Variants in KREMEN2 observed in about 807,000 individuals in gnomAD.
The protein encoded by KREMEN2 is kringle containing transmembrane protein 2.
In KREMEN2, 43 loss-of-function variants were observed where a neutral mutation model predicts 49.8. The observed-to-expected ratio is 0.86, with a 90% CI of 0.68 to 1.11. KREMEN2 has a LOEUF of 1.11. KREMEN2 is among the 50% of genes most tolerant of loss of function. The pLI is 0.00. For missense variants in KREMEN2, 686 were observed against 665.7 expected (o/e 1.03, Z -0.34); for synonymous variants, 355 against 304.9 (o/e 1.16, Z -1.71).
Position 2,966,878 on chromosome 16 carries a change from C to T in KREMEN2, c.641-32C>T. On this transcript the variant is annotated intron_variant, in intron 5 of 8. Transcript: ENST00000303746. The surrounding 1 kb of genome is among the most constrained non-coding windows in gnomAD (Gnocchi z 8.4). ...GCAGGGGAGCCGCCGTGTCCTGGTC[C>T]TCAGGATGCTGACTGCCGGCCCCGC... 2.6e-6 allele frequency: 4 copies of T among 1,557,498 alleles called. No individual in the cohort carries two copies. Among genetic ancestry groups the T allele is most frequent in the African/African-American group, 1.3e-5 (1 of 74,144 alleles).
In KREMEN2 at chr16:2,964,313, G is replaced by T. The variant is rs1241746361; in HGVS notation, c.-208G>T. ...AGAGACCCGGGTAGGGACAGGGACAGAGAGACGCCTCTAGGGGCAGAGGCC... is the reference window on the plus strand; with the variant it reads ...AGAGACCCGGGTAGGGACAGGGACATAGAGACGCCTCTAGGGGCAGAGGCC... On this transcript the variant is annotated 5_prime_UTR_variant, in exon 1 of 9. Transcript: ENST00000303746. The T allele has an allele frequency of 2.2e-6, 1 of 461,606 alleles. No individual in the cohort carries two copies. The highest frequency in any genetic ancestry group is 3.5e-5 in the East Asian group (1 of 28,208). 28.6% of individuals were successfully genotyped at this position (461,606 alleles called of 1,614,324 possible).
At chr16:2,964,747 G>A in intron 1 of KREMEN2, 112 bp from the exon 2 acceptor site, 1 of 1,423,546 alleles carries the variant, frequency 7.0e-7, no homozygotes. Flanking sequence ...GAGGGCTCCT[G>A]CAGGGGCGGG....
Position 2,967,307 on chromosome 16 carries a change from C to T in KREMEN2, c.974-13C>T, listed in dbSNP as rs1354102084. 5.8e-6 allele frequency: 8 copies of T among 1,375,162 alleles called. No individual in the cohort carries two copies. The highest frequency in any genetic ancestry group is 7.4e-6 in the Non-Finnish European group (8 of 1,075,134). 85.2% of individuals were successfully genotyped at this position (1,375,162 alleles called of 1,614,324 possible). On this transcript the variant is annotated splice_polypyrimidine_tract_variant and intron_variant, in intron 6 of 8. Coordinates refer to ENST00000303746, the MANE Select transcript of KREMEN2 (RefSeq NM_172229.3). ...CCCGCTCTCCCCACCCCGCCTCACG[C>T]CCCTCTCCGCAGGGCTGCAGGACGC... is the stretch of plus-strand genomic sequence containing the variant.
In KREMEN2 at chr16:2,966,875, G is replaced by C. The variant is rs776210382; in HGVS notation, c.641-35G>C. 14 of 1,557,564 alleles carry C rather than the reference G, an allele frequency of 9.0e-6. No individual in the cohort carries two copies. The African/African-American group carries it at 1.8e-4, about 20-fold the overall frequency. On this transcript the variant is annotated intron_variant, in intron 5 of 8. Coordinates refer to ENST00000303746, the MANE Select transcript of KREMEN2 (RefSeq NM_172229.3). The surrounding 1 kb of genome is among the most constrained non-coding windows in gnomAD (Gnocchi z 8.4). ...CGGGCAGGGGAGCCGCCGTGTCCTGGTCCTCAGGATGCTGACTGCCGGCCC... is the reference window on the plus strand; with the variant it reads ...CGGGCAGGGGAGCCGCCGTGTCCTGCTCCTCAGGATGCTGACTGCCGGCCC...
At position 2,964,466 on chromosome 16, in the gene KREMEN2, C is replaced by T; in HGVS notation, c.-55C>T. 1 of 1,367,822 alleles carries T rather than the reference C, an allele frequency of 7.3e-7. No individual in the cohort carries two copies. The highest frequency in any genetic ancestry group is 9.9e-7 in the Non-Finnish European group (1 of 1,007,548). 84.7% of individuals were successfully genotyped at this position (1,367,822 alleles called of 1,614,324 possible). On this transcript the variant is annotated 5_prime_UTR_variant, in exon 1 of 9. Transcript: ENST00000303746. ...CTCCTGGGAGACCCCGAAGCGACCC[C>T]GGGGGCAGCCCGGGCCGTGTCCGGG...
chr16:2,967,202 C>G lies in KREMEN2; in HGVS notation c.933C>G (p.Asp311Glu). Residue 311 changes from aspartate (D) to glutamate (E), a missense_variant, in exon 6 of 9, where the codon GAC (aspartate) becomes GAG (glutamate). Coordinates refer to ENST00000303746, the MANE Select transcript of KREMEN2 (RefSeq NM_172229.3). ...CGCTGCTGCTCACCTTCCGAAGCGA[C>G]GCGCGCGGCCACGCGCAAGGCTTCG... is the stretch of plus-strand genomic sequence containing the variant. ...TAALLLTFRSDARGHAQGFAL... is the reference protein window; with the variant it reads ...TAALLLTFRSEARGHAQGFAL... 1 of 1,356,924 alleles carries G rather than the reference C, an allele frequency of 7.4e-7. No homozygotes were observed. Among genetic ancestry groups the G allele is most frequent in the Non-Finnish European group, 9.4e-7 (1 of 1,063,924 alleles). 84.1% of individuals were successfully genotyped at this position (1,356,924 alleles called of 1,614,324 possible).
At chr16:2,965,481 G>A (rs2071800555) in intron 2 of KREMEN2, among the ~76,000 whole-genome samples, 1 of 152,176 alleles carries the variant, frequency 6.6e-6, no homozygotes, top group Non-Finnish European at 1.5e-5. Flanking sequence ...CTTTTAAGTG[G>A]GGTTGGAGGC....
intron 7 of KREMEN2, 40 bp from the exon 8 acceptor site, chr16:2,967,486 C>A: frequency 6.7e-7 from 1 of 1,491,460 alleles, no homozygotes; most frequent in South Asian, 1.3e-5. Flanking sequence ...CAGGGAGCCG[C>A]CCCCTCGCGC....
In KREMEN2 at chr16:2,967,235, C is replaced by T; in HGVS notation, c.966C>T (p.Thr322=). ...GCCACGCGCAAGGCTTCGCGCTCAC[C>T]TACCGCGGTGAGCCTCAGCTCGGCG... ...ARGHAQGFAL[T]YRGLQDAAED... is the part of the protein sequence containing the mutation. The change falls in exon 6 of 9, where the codon ACC becomes ACT. Residue 322 remains threonine, a synonymous_variant. Transcript: ENST00000303746. 7.4e-7 allele frequency: 1 copy of T among 1,353,826 alleles called. No homozygotes were observed. Among genetic ancestry groups the T allele is most frequent in the Non-Finnish European group, 9.4e-7 (1 of 1,061,696 alleles). The allele number at this position is 1,353,826 out of a possible 1,614,324, so 83.9% of individuals were successfully genotyped here.
In KREMEN2 at chr16:2,966,005, G is replaced by A. The variant is rs2071809193; in HGVS notation, c.270-135G>A. ...CTGCGTAGACAAAACTGGAATTTGT[G>A]GGTGTACAGCAGGCAGCACAGCCGC... On this transcript the variant is annotated intron_variant, in intron 2 of 8. Coordinates refer to ENST00000303746, the MANE Select transcript of KREMEN2 (RefSeq NM_172229.3). The surrounding 1 kb of genome is among the most constrained non-coding windows in gnomAD (Gnocchi z 8.4). The A allele has an allele frequency of 1.4e-6, 1 of 704,604 alleles. No homozygotes were observed. The highest frequency in any genetic ancestry group is 2.4e-6 in the Non-Finnish European group (1 of 411,664). 43.6% of individuals were successfully genotyped at this position (704,604 alleles called of 1,614,324 possible). A position where few individuals can be genotyped will look rare whatever the true frequency, so the allele number is the denominator to read the frequency against.
At position 2,968,289 on chromosome 16, in the gene KREMEN2, GT is replaced by G; in HGVS notation, c.*270del. On this transcript the variant is annotated 3_prime_UTR_variant, in exon 9 of 9. Transcript: ENST00000303746. ...AGGTCTTTGAACCCCTCTGGGGGTGGTCCTGGACTGCCGTCCTCAGTGAGAG... is the reference window on the plus strand; with the variant it reads ...AGGTCTTTGAACCCCTCTGGGGGTGGCCTGGACTGCCGTCCTCAGTGAGAG... 1 of 1,393,772 alleles carries G rather than the reference GT, an allele frequency of 7.2e-7. No homozygotes were observed. The highest frequency in any genetic ancestry group is 9.8e-7 in the Non-Finnish European group (1 of 1,018,784). 86.3% of individuals were successfully genotyped at this position (1,393,772 alleles called of 1,614,324 possible). A position where few individuals can be genotyped will look rare whatever the true frequency, so the allele number is the denominator to read the frequency against.
At chr16:2,967,711 G>T (rs1304328291) in intron 8 of KREMEN2, 99 bp from the exon 9 acceptor site, 5 of 1,548,226 alleles carry the variant, frequency 3.2e-6, no homozygotes, top group Non-Finnish European at 4.4e-6. Context: ...AGGGAGCGAG[G>T]CTTTGGGTCC....
In KREMEN2 at chr16:2,964,554, C is replaced by A. The variant is rs372577395; in HGVS notation, c.34C>A (p.Leu12Ile). ...GTQALQGFLFLLFLPLLQPRG... is the reference protein window; with the variant it reads ...GTQALQGFLFILFLPLLQPRG... ...ACAAGCCCTGCAGGGCTTCCTCTTT[C>A]TCCTCTTCCTCCCGCTGCTGCAGCC... is the stretch of plus-strand genomic sequence containing the variant. Residue 12 changes from leucine (L) to isoleucine (I), a missense_variant, in exon 1 of 9, where the codon CTC (leucine) becomes ATC (isoleucine). Transcript: ENST00000303746. 1.2e-6 allele frequency: 2 copies of A among 1,607,630 alleles called. No individual in the cohort carries two copies. The highest frequency in any genetic ancestry group is 2.7e-5 in the African/African-American group (2 of 74,332).
At position 2,967,368 on chromosome 16, in the gene KREMEN2, A is replaced by AGACCC. The variant is rs1236356688; in HGVS notation, c.1023_1027dup (p.Pro343ArgfsTer12). ...CCAGAGGCCCCCGAGGGCTCGGCCC[A>AGACCC]GACCCCCGCGGCGCCCCTCGACGGG... On this transcript the variant is annotated frameshift_variant, in exon 7 of 9. Transcript: ENST00000303746. LOFTEE classifies it high-confidence loss of function. 1 of 1,402,006 alleles carries AGACCC rather than the reference A, an allele frequency of 7.1e-7. No individual in the cohort carries two copies. Among genetic ancestry groups the AGACCC allele is most frequent in the Non-Finnish European group, 9.2e-7 (1 of 1,089,646 alleles). 86.8% of individuals were successfully genotyped at this position (1,402,006 alleles called of 1,614,324 possible).
Position 2,964,867 on chromosome 16 carries a change from G to A in KREMEN2, c.103G>A (p.Glu35Lys), listed in dbSNP as rs939559029. The A allele has an allele frequency of 8.7e-6, 14 of 1,610,872 alleles. No homozygotes were observed. In the Admixed American group the frequency reaches 1.8e-4, roughly 21 times the overall value. The change falls in exon 2 of 9, where the codon GAA becomes AAA. Residue 35 changes from glutamate (E) to lysine (K), a missense_variant. Transcript: ENST00000303746. ...AGSLHSPGLS[E>K]CFQVNGADYR... ...CTGCCTTTGCCGTGCAGGCCTGTCC[G>A]AATGCTTCCAGGTGAATGGGGCTGA...
Position 2,967,904 on chromosome 16 carries a change from G to A in KREMEN2, c.1273G>A (p.Gly425Arg), listed in dbSNP as rs1186405032. The stretch of plus-strand genomic sequence containing the variant: ...GGCTGTGTGGTACCAACAGCCCCGA[G>A]GGGTGGCCTTGCCCTGCTCCCCCGG... ...SWAVWYQQPRGVALPCSPGDP... is the reference protein window; with the variant it reads ...SWAVWYQQPRRVALPCSPGDP... Residue 425 changes from glycine to arginine, a missense_variant, in exon 9 of 9, where the codon GGG becomes AGG. Physicochemically the swap from Gly to Arg is moderately radical, Grantham distance 125. Coordinates refer to ENST00000303746, the MANE Select transcript of KREMEN2 (RefSeq NM_172229.3). 3 of 1,564,586 alleles carry A rather than the reference G, an allele frequency of 1.9e-6. No homozygotes were observed. The highest frequency in any genetic ancestry group is 1.9e-5 in the Admixed American group (1 of 52,828).
rs1394004730 is a variant in KREMEN2, at chr16:2,964,285, C to T, written c.-236C>T. 1.5e-5 allele frequency: 6 copies of T among 397,770 alleles called. No individual in the cohort carries two copies. The highest frequency in any genetic ancestry group is 2.7e-5 in the Non-Finnish European group (6 of 223,768). The allele number at this position is 397,770 out of a possible 1,614,324, so 24.6% of individuals were successfully genotyped here. A position where few individuals can be genotyped will look rare whatever the true frequency, so the allele number is the denominator to read the frequency against. ...AGAACGCCCCCGGCCAGATTCCCCC[C>T]GGAGAGACCCGGGTAGGGACAGGGA... On this transcript the variant is annotated 5_prime_UTR_variant, in exon 1 of 9. Coordinates refer to ENST00000303746, the MANE Select transcript of KREMEN2 (RefSeq NM_172229.3).
chr16:2,967,021 C>A lies in KREMEN2; in HGVS notation c.752C>A (p.Pro251Gln). The change falls in exon 6 of 9, where the codon CCG becomes CAG. Residue 251 changes from proline (P) to glutamine (Q), a missense_variant. Pro to Gln is a moderately conservative substitution (Grantham distance 76, BLOSUM62 -1). Transcript: ENST00000303746. The stretch of plus-strand genomic sequence containing the variant: ...CGGAACTGCAGCTGGGCCCTGGGCC[C>A]GCCAGGCGCCGCGCTGGAGCTCACC... ...PDRNCSWALG[P>Q]PGAALELTFR... The A allele has an allele frequency of 1.3e-6, 2 of 1,545,250 alleles. No homozygotes were observed. Among genetic ancestry groups the A allele is most frequent in the Non-Finnish European group, 1.7e-6 (2 of 1,145,772 alleles).
chr16:2,966,230 C>T lies in KREMEN2; in HGVS notation c.360C>T (p.His120=), dbSNP rs771820512. The T allele has an allele frequency of 2.5e-6, 4 of 1,613,348 alleles. No individual in the cohort carries two copies. Among genetic ancestry groups the T allele is most frequent in the Non-Finnish European group, 2.5e-6 (3 of 1,179,982 alleles). The change falls in exon 3 of 9, where the codon CAC becomes CAT. Residue 120 remains histidine (H), a splice_region_variant and synonymous_variant. Coordinates refer to ENST00000303746, the MANE Select transcript of KREMEN2 (RefSeq NM_172229.3). This position sits in a 1 kb window ranked among gnomAD's most constrained non-coding sequence, Gnocchi z 8.4. ...GCTACTGCGACATCCCCTCCTGTCA[C>T]AGTGAGTAGCGCGGCTGGACAGAGG... ...YWRYCDIPSC[H]MPGYLGCFVD...
Sources: allele counts gnomAD v4.1 joint callset (sites outside exome capture counted in the v4.1 genomes callset), GRCh38; gene constraint gnomAD v4.1.1; non-coding constraint Gnocchi (gnomAD v3.1); transcripts MANE v1.5; gene names NCBI Gene and HGNC (gene_info 2026-07-23, HGNC 2026-07-21).